KIAA0513: variants seen among roughly 807,000 people sequenced by gnomAD.
KIAA0513 encodes the protein uncharacterized protein KIAA0513.
In KIAA0513, 39 loss-of-function variants were observed where a neutral mutation model predicts 56.5. The ratio of observed to expected loss-of-function variants is 0.69; its 90% CI spans 0.53 to 0.90. KIAA0513 has a LOEUF of 0.90. KIAA0513 is among the 40% of genes least tolerant of loss of function. The pLI is 0.00. For missense variants in KIAA0513, 591 were observed against 535.2 expected (o/e 1.10, Z -1.03); for synonymous variants, 268 against 215.6 (o/e 1.24, Z -2.13).
intron 1 of KIAA0513, among the ~76,000 whole-genome samples, chr16:85,041,234 G>A (rs2073100053): frequency 6.6e-6 from 1 of 152,158 alleles, no homozygotes; most frequent in South Asian, 2.1e-4. Context: ...GTCTGAATTA[G>A]CCATGTGGGG....
chr16:85,035,052 C>A (rs952943990), intron 1 of KIAA0513, among the ~76,000 whole-genome samples: 5 of 152,180 alleles, frequency 3.3e-5, no homozygotes, highest in Admixed American at 6.5e-5. Context: ...CAGGCCGAGC[C>A]GTCAGGTACC....
chr16:85,055,988 G>A (rs1179201663), intron 1 of KIAA0513, among the ~76,000 whole-genome samples: 1 of 152,206 alleles, frequency 6.6e-6, no homozygotes, highest in African/African-American at 2.4e-5. Context: ...TCCCCATCCT[G>A]GCCTTGCCAG....
chr16:85,071,904 G>C (rs2073582026), intron 3 of KIAA0513, 22 bp downstream of exon 3: 1 of 1,467,764 alleles, frequency 6.8e-7, no homozygotes, highest in East Asian at 2.3e-5. Flanking sequence ...GTGATGGGAA[G>C]GATGGGCGTT....
At chr16:85,077,906 T>G (rs2073682620) in intron 6 of KIAA0513, among the ~76,000 whole-genome samples, 1 of 152,186 alleles carries the variant, frequency 6.6e-6, no homozygotes, top group Admixed American at 6.5e-5. Context: ...CAGCCCTCCC[T>G]TCTGTCTCCT....
chr16:85,047,138 T>C (rs1296400851), intron 1 of KIAA0513, among the ~76,000 whole-genome samples: 4 of 152,220 alleles, frequency 2.6e-5, no homozygotes, highest in African/African-American at 9.6e-5. Flanking sequence ...ACCATTCTGC[T>C]GTGGGTTTTG....
rs1451489374 is a variant in KIAA0513, at chr16:85,088,361, C to T, written c.*36C>T. On this transcript the variant is annotated 3_prime_UTR_variant, in exon 13 of 13. Transcript: ENST00000683363. Reference sequence around the variant, plus strand: ...TCGCACTCCGCAGGAGGACTGAGGCCATGTGCCATTCTCCCGGGCCCAGCG... The same window carrying T: ...TCGCACTCCGCAGGAGGACTGAGGCTATGTGCCATTCTCCCGGGCCCAGCG... 1 of 1,590,110 alleles carries T rather than the reference C, an allele frequency of 6.3e-7. No individual in the cohort carries two copies. Among genetic ancestry groups the T allele is most frequent in the Non-Finnish European group, 8.6e-7 (1 of 1,166,184 alleles).
intron 1 of KIAA0513, among the ~76,000 whole-genome samples, chr16:85,042,068 A>G (rs1454905325): frequency 6.6e-6 from 1 of 152,152 alleles, no homozygotes; most frequent in Non-Finnish European, 1.5e-5. Context: ...TCTAGAATTA[A>G]TTAGTGCACA....
rs527290473 is a variant in KIAA0513 at position 85,042,860 on chromosome 16, G to C, written c.-173+15002G>C. On this transcript the variant is annotated intron_variant, in intron 1 of 12. Transcript: ENST00000683363. ...CGCCGTGGCACTCAGAGGCAGGCAGGCTTCTGACATTCCCCGAGAGGGAGG... is the reference window on the plus strand; with the variant it reads ...CGCCGTGGCACTCAGAGGCAGGCAGCCTTCTGACATTCCCCGAGAGGGAGG... 5.3e-5 allele frequency among the ~76,000 whole-genome samples: 8 copies of C among 152,320 alleles called. No individual in the cohort carries two copies. The East Asian group carries it at 1.4e-3, about 26-fold the overall frequency.
rs2073817688 is a variant in KIAA0513, at chr16:85,087,059, G to T, written c.1092-13G>T. On this transcript the variant is annotated splice_polypyrimidine_tract_variant and intron_variant, in intron 11 of 12. Transcript: ENST00000683363. ...GAGGCCAGCGGGTGACGCTCTTGGG[G>T]TTTCTCCTGCAGCACATTCACGCAC... 1 of 1,613,716 alleles carries T rather than the reference G, an allele frequency of 6.2e-7. No individual in the cohort carries two copies. The highest frequency in any genetic ancestry group is 8.5e-7 in the Non-Finnish European group (1 of 1,179,616).
intron 1 of KIAA0513, among the ~76,000 whole-genome samples, chr16:85,049,970 G>A (rs1172816994): frequency 1.3e-5 from 2 of 152,196 alleles, no homozygotes; most frequent in Admixed American, 6.5e-5. Flanking sequence ...GTCTCTGTCC[G>A]AGTTGAATTC....
intron 1 of KIAA0513, among the ~76,000 whole-genome samples, chr16:85,053,069 A>G (rs556520728): frequency 6.6e-6 from 1 of 151,846 alleles, no homozygotes; most frequent in Non-Finnish European, 1.5e-5. Context: ...TGTAGTTTTT[A>G]ATAGAAACAG....
rs3794687 is a variant in KIAA0513, at chr16:85,092,935, A to G, written c.*4610A>G. On this transcript the variant is annotated 3_prime_UTR_variant, in exon 13 of 13. Transcript: ENST00000683363. The stretch of plus-strand genomic sequence containing the variant: ...TCAAGACTGTTCTCCTGCGGCCAAC[A>G]CTGGCCCGGAAGCCGCCCTCCATAC... 0.078 allele frequency: 11,828 copies of G among 152,284 alleles called. 521 individuals carry two copies. The highest frequency in any genetic ancestry group is 0.16 in the East Asian group (798 of 5,144). 9.4% of individuals were successfully genotyped at this position (152,284 alleles called of 1,614,324 possible). A position where few individuals can be genotyped will look rare whatever the true frequency, so the allele number is the denominator to read the frequency against.
At chr16:85,039,774 G>C (rs1179880687) in intron 1 of KIAA0513, among the ~76,000 whole-genome samples, 1 of 151,904 alleles carries the variant, frequency 6.6e-6, no homozygotes, top group African/African-American at 2.4e-5. Flanking sequence ...CTGCTGGCAT[G>C]ATTACTCTTT....
intron 2 of KIAA0513, 93 bp downstream of exon 2, chr16:85,067,493 C>G: frequency 1.0e-6 from 1 of 977,346 alleles, no homozygotes; most frequent in Non-Finnish European, 1.5e-6. Flanking sequence ...CCCCAGGGTG[C>G]CACCTGGGAC....
chr16:85,030,575 C>T (rs574574551), intron 1 of KIAA0513, among the ~76,000 whole-genome samples: 4 of 151,860 alleles, frequency 2.6e-5, no homozygotes, highest in South Asian at 2.1e-4. Flanking sequence ...GGTGAAACCC[C>T]GTCTCTACTA....
chr16:85,086,138 C>G (rs1028839610), intron 10 of KIAA0513, among the ~76,000 whole-genome samples: 1 of 152,216 alleles, frequency 6.6e-6, no homozygotes, highest in Non-Finnish European at 1.5e-5. Flanking sequence ...GCAGCTGGCC[C>G]CAGGACGACG....
intron 10 of KIAA0513, 49 bp downstream of exon 10, chr16:85,082,642 C>G: frequency 1.3e-6 from 2 of 1,588,964 alleles, no homozygotes; most frequent in Non-Finnish European, 1.7e-6. Flanking sequence ...CGGGCTCCTG[C>G]GAAGGCCACT....
chr16:85,072,867 C>G, intron 3 of KIAA0513, 58 bp from the exon 4 acceptor site: 1 of 1,515,460 alleles, frequency 6.6e-7, no homozygotes, highest in Non-Finnish European at 9.2e-7. Context: ...TGCAGCTTCA[C>G]TGAGTGCTGC....
intron 1 of KIAA0513, among the ~76,000 whole-genome samples, chr16:85,032,725 G>C (rs979086612): frequency 6.7e-6 from 1 of 150,262 alleles, no homozygotes; most frequent in Non-Finnish European, 1.5e-5. Flanking sequence ...CCGCCTCCCG[G>C]GTTCACACCA....
Sources: gnomAD v4.1 joint callset for allele counts (sites outside exome capture counted in the v4.1 genomes callset) on GRCh38, gnomAD v4.1.1 for gene constraint, MANE v1.5 for transcripts, NCBI Gene and HGNC (gene_info 2026-07-23, HGNC 2026-07-21) for gene names.